The following C2orf74 variants were observed in gnomAD, a reference collection of about 807,000 sequenced individuals.
The protein encoded by C2orf74 is uncharacterized protein C2orf74.
C2orf74 carries 14 observed loss-of-function variants against 17.9 expected under a neutral mutation model. The ratio of observed to expected loss-of-function variants is 0.78; its 90% CI spans 0.52 to 1.22. The LOEUF (loss-of-function observed/expected upper bound fraction) is 1.22, where lower values mean the gene tolerates loss of function less well. Among genes scored for constraint, C2orf74 ranks in the 50% most tolerant of loss-of-function variants. C2orf74 has a pLI of 0.00. For synonymous variants in C2orf74, 79 were observed against 72.6 expected, an observed-to-expected ratio of 1.09 and a Z score of -0.44; for missense variants, 217 against 218.4, an observed-to-expected ratio of 0.99 and a Z score of 0.04.
chr2:61,163,220 T>G lies in C2orf74; in HGVS notation c.378T>G (p.Thr126=). ...EKQEPENAGE[T]GQEEDDGLQK... is the part of the protein sequence containing the mutation. ...AAGAGCCTGAGAATGCTGGAGAAAC[T>G]GGTCAAGAAGAGGTGATGTGTTTTT... is the stretch of plus-strand genomic sequence containing the variant. The change falls in exon 4 of 5, where the codon ACT becomes ACG. Residue 126 remains threonine (T), a synonymous_variant. Transcript: ENST00000432605. The G allele has an allele frequency of 6.4e-7, 1 of 1,551,400 alleles. No individual in the cohort carries two copies. The highest frequency in any genetic ancestry group is 8.7e-7 in the Non-Finnish European group (1 of 1,146,872).
upstream of C2orf74, chr2:61,159,295 C>CTTT: frequency 1.8e-5 from 6 of 341,940 alleles, no homozygotes; most frequent in East Asian, 9.7e-5. Context: ...CACACCCAGC[C>CTTT]TTTTTTTTTT....
intron 1 of C2orf74, among the ~76,000 whole-genome samples, chr2:61,155,790 G>T (rs1365934533): frequency 6.6e-6 from 1 of 152,032 alleles, no homozygotes; most frequent in Non-Finnish European, 1.5e-5. Flanking sequence ...AAAATGCTGG[G>T]ATTACAGGCG....
chr2:61,147,004 A>G (rs1194104851), intron 1 of C2orf74, among the ~76,000 whole-genome samples: 1 of 151,886 alleles, frequency 6.6e-6, no homozygotes, highest in Non-Finnish European at 1.5e-5. Context: ...AACATCAACA[A>G]CAAAAAACCT....
At chr2:61,146,385 G>C (rs1729658) in intron 1 of C2orf74, among the ~76,000 whole-genome samples, 1 of 151,996 alleles carries the variant, frequency 6.6e-6, no homozygotes, top group South Asian at 2.1e-4. Flanking sequence ...GAAACTAATA[G>C]TCATGGTTTC....
At chr2:61,155,505 T>TTTTGTTTGTTTGTTTGTTTG (rs35729703) in intron 1 of C2orf74, among the ~76,000 whole-genome samples, 1 of 150,542 alleles carries the variant, frequency 6.6e-6, no homozygotes, top group Non-Finnish European at 1.5e-5. Flanking sequence ...AATCAAGGCT[T>TTTTGTTTGTTTGTTTGTTTG]TTTGTTTGTT....
At chr2:61,158,671 A>G (rs544316115), upstream of C2orf74, among the ~76,000 whole-genome samples, 2 of 152,246 alleles carry the variant, frequency 1.3e-5, no homozygotes, top group East Asian at 3.9e-4. Flanking sequence ...AGGGATTTAC[A>G]TAGTGGGGAA....
chr2:61,163,041 T>G lies in C2orf74; in HGVS notation c.210-11T>G. On this transcript the variant is annotated splice_polypyrimidine_tract_variant and intron_variant, in intron 3 of 4. Transcript: ENST00000432605. ...CATGAATGTTTAAAACTCTACCGAT[T>G]AATTTTCTAGGATCTTAATGCAAGT... 6.4e-7 allele frequency: 1 copy of G among 1,552,136 alleles called. No individual in the cohort carries two copies. The highest frequency in any genetic ancestry group is 8.7e-7 in the Non-Finnish European group (1 of 1,146,982).
At chr2:61,145,736 A>T (rs1426080726) in intron 1 of C2orf74, among the ~76,000 whole-genome samples, 3 of 151,058 alleles carry the variant, frequency 2.0e-5, no homozygotes, top group Admixed American at 1.3e-4. Context: ...TTTGTATTTT[A>T]TTTTTTCTGA....
Position 61,164,567 on chromosome 2 carries a change from T to A in C2orf74, c.*40T>A. On this transcript the variant is annotated 3_prime_UTR_variant, in exon 5 of 5. Transcript: ENST00000432605. ...TAAGAGTGAAAGAAAATGTAACGTT[T>A]GACTAACGTTGAAAGACTGAGGGTA... The A allele has an allele frequency of 7.1e-7, 1 of 1,409,584 alleles. No individual in the cohort carries two copies. The highest frequency in any genetic ancestry group is 9.4e-7 in the Non-Finnish European group (1 of 1,064,374). The allele number at this position is 1,409,584 out of a possible 1,614,324, so 87.3% of individuals were successfully genotyped here.
At chr2:61,157,960 AC>A (rs1189450911), upstream of C2orf74, 19 of 471,162 alleles carry the variant, frequency 4.0e-5, no homozygotes, top group East Asian at 1.3e-3. Context: ...AGATCCTGTC[AC>A]CACGAGTGGA....
intron 4 of C2orf74, 103 bp downstream of exon 4, chr2:61,163,335 C>T (rs1005133022): frequency 7.6e-5 from 98 of 1,292,200 alleles, no homozygotes; most frequent in Non-Finnish European, 9.7e-5. Context: ...GAGGACCGGG[C>T]GGGTGGCTCA....
At chr2:61,160,513 C>CTT (rs111229188), upstream of C2orf74, among the ~76,000 whole-genome samples, 11 of 144,604 alleles carry the variant, frequency 7.6e-5, no homozygotes, top group Non-Finnish European at 1.7e-4. Flanking sequence ...GTATATACCA[C>CTT]TTTTTTTTTT....
chr2:61,154,310 C>A (rs909331095), intron 1 of C2orf74, among the ~76,000 whole-genome samples: 2 of 151,592 alleles, frequency 1.3e-5, no homozygotes, highest in African/African-American at 4.9e-5. Context: ...TATACTTGAT[C>A]AGTGCTTTAC....
intron 4 of C2orf74, among the ~76,000 whole-genome samples, chr2:61,163,562 A>G (rs1365955803): frequency 6.6e-6 from 1 of 151,724 alleles, no homozygotes; most frequent in African/African-American, 2.4e-5. Flanking sequence ...CAAGATCGCC[A>G]CTGCACTCCA....
At chr2:61,155,308 C>A (rs2698197) in intron 1 of C2orf74, among the ~76,000 whole-genome samples, 1 of 151,852 alleles carries the variant, frequency 6.6e-6, no homozygotes, top group Non-Finnish European at 1.5e-5. Context: ...ATTAATTGTT[C>A]ATGAAATGTT....
upstream of C2orf74, among the ~76,000 whole-genome samples, chr2:61,160,496 A>G (rs1418850801): frequency 6.7e-6 from 1 of 149,332 alleles, no homozygotes; most frequent in Non-Finnish European, 1.5e-5. Flanking sequence ...ATAGTATTCC[A>G]CTGAGTGTAT....
intron 1 of C2orf74, among the ~76,000 whole-genome samples, chr2:61,150,074 T>C (rs1685182102): frequency 6.6e-6 from 1 of 152,204 alleles, no homozygotes; most frequent in Non-Finnish European, 1.5e-5. Flanking sequence ...GAATGGTTGA[T>C]GGAAGAATAC....
At chr2:61,156,577 G>A (rs560985457) in intron 1 of C2orf74, among the ~76,000 whole-genome samples, 17 of 151,930 alleles carry the variant, frequency 1.1e-4, no homozygotes, top group African/African-American at 1.9e-4. Context: ...AAAGCAGTAC[G>A]TTGTCCAACA....
At chr2:61,153,894 A>G (rs199816802) in intron 1 of C2orf74, among the ~76,000 whole-genome samples, 1 of 122,112 alleles carries the variant, frequency 8.2e-6, no homozygotes. Flanking sequence ...GTCTCAAAAA[A>G]AAAGAAAAAG....
Sources: gnomAD v4.1 joint callset for allele counts (sites outside exome capture counted in the v4.1 genomes callset) on GRCh38, gnomAD v4.1.1 for gene constraint, MANE v1.5 for transcripts, NCBI Gene and HGNC (gene_info 2026-07-23, HGNC 2026-07-21) for gene names.